ABCC2: variants seen among roughly 807,000 people sequenced by gnomAD.
The protein encoded by ABCC2 is ATP binding cassette subfamily C member 2.
In ABCC2, 157 loss-of-function variants were observed where a neutral mutation model predicts 173.4. The ratio of observed to expected loss-of-function variants is 0.91; its 90% CI spans 0.80 to 1.03. ABCC2 has a LOEUF of 1.03. Among genes scored for constraint, ABCC2 ranks in the 50% least tolerant of loss-of-function variants. ABCC2 has a pLI of 0.00. For synonymous variants in ABCC2, 657 were observed against 693.5 expected, an observed-to-expected ratio of 0.95 and a Z score of 0.83; for missense variants, 1,822 against 1,852.3, an observed-to-expected ratio of 0.98 and a Z score of 0.30.
intron 11 of ABCC2, 52 bp from the exon 12 acceptor site, chr10:99,807,332 G>A: frequency 1.2e-6 from 2 of 1,609,198 alleles, no homozygotes; most frequent in Non-Finnish European, 8.5e-7. Context: ...AGATACACCT[G>A]GTGCCCTTTC....
intron 24 of ABCC2, among the ~76,000 whole-genome samples, chr10:99,835,679 A>C (rs2038808868): frequency 6.6e-6 from 1 of 152,048 alleles, no homozygotes; most frequent in Non-Finnish European, 1.5e-5. Flanking sequence ...TTTCCTGCCC[A>C]TCCCCACTTT....
intron 16 of ABCC2, among the ~76,000 whole-genome samples, chr10:99,814,792 CACAT>C (rs2038372154): frequency 9.7e-6 from 1 of 103,260 alleles, no homozygotes; most frequent in Non-Finnish European, 1.9e-5. Flanking sequence ...TATACACACA[CACAT>C]ATGTGTGTGT....
intron 10 of ABCC2, 114 bp downstream of exon 10, chr10:99,804,387 T>TC: frequency 3.6e-6 from 5 of 1,374,054 alleles, no homozygotes; most frequent in Non-Finnish European, 5.1e-6. Context: ...GGTGGAAGAC[T>TC]TTCTACCATC....
intron 30 of ABCC2, among the ~76,000 whole-genome samples, chr10:99,848,242 A>G (rs1248194206): frequency 6.6e-6 from 1 of 152,244 alleles, no homozygotes. Context: ...CCTGAAATCA[A>G]CAAAAGACTC....
rs1317397952 is a variant in ABCC2 at position 99,814,281 on chromosome 10, GTA to G, written c.2094+1140_2094+1141del. Among the ~76,000 whole-genome samples the G allele has an allele frequency of 1.2e-3, 50 of 43,182 alleles. 1 individual carries two copies. The highest frequency in any genetic ancestry group is 4.7e-3 in the African/African-American group (43 of 9,076). The allele number at this position is 43,182 out of a possible 152,430, so 28.3% of individuals were successfully genotyped here. A position where few individuals can be genotyped will look rare whatever the true frequency, so the allele number is the denominator to read the frequency against. Reference sequence around the variant, plus strand: ...TACACACGTATGTATACACACGTATGTATACACACACGTATGTATACACACAT... The same window carrying G: ...TACACACGTATGTATACACACGTATGTACACACACGTATGTATACACACAT... On this transcript the variant is annotated intron_variant, in intron 16 of 31. Transcript: ENST00000647814.
At position 99,793,979 on chromosome 10, in the gene ABCC2, G is replaced by T. The variant is rs2037852944; in HGVS notation, c.556G>T (p.Glu186Ter). ...GATCCTGATCTTTTCAGCATTTTCA[G>T]AAAATAATGAGTCATCAAATGTGAG... is the stretch of plus-strand genomic sequence containing the variant. ...ILILIFSAFSENNESSNNPSS... is the reference protein window; with the variant it reads ...ILILIFSAFS Residue 186 changes from glutamate to a stop codon, truncating the protein, a stop_gained, in exon 5 of 32, where the codon GAA (glutamate) becomes TAA (stop). Coordinates refer to ENST00000647814, the MANE Select transcript of ABCC2 (RefSeq NM_000392.5). LOFTEE classifies it high-confidence loss of function. The T allele has an allele frequency of 6.2e-7, 1 of 1,609,732 alleles. No homozygotes were observed. The highest frequency in any genetic ancestry group is 1.3e-5 in the African/African-American group (1 of 74,760).
intron 16 of ABCC2, among the ~76,000 whole-genome samples, chr10:99,814,222 TACACAC>T: frequency 1.9e-5 from 1 of 53,964 alleles, no homozygotes; most frequent in African/African-American, 7.8e-5. Context: ...TGTGTATATA[TACACAC>T]ATGTGTATAT....
intron 7 of ABCC2, chr10:99,797,598 T>C: frequency 2.3e-6 from 1 of 430,690 alleles, no homozygotes. Context: ...CATTTCTAGA[T>C]TTTGCACCTT....
At chr10:99,843,445 G>A (rs993990478) in intron 26 of ABCC2, among the ~76,000 whole-genome samples, 3 of 152,204 alleles carry the variant, frequency 2.0e-5, no homozygotes, top group Admixed American at 6.5e-5. Context: ...TCCCTGGCCT[G>A]GATCATGCCT....
chr10:99,817,048 A>G (rs1406567381), intron 16 of ABCC2, among the ~76,000 whole-genome samples: 1 of 152,196 alleles, frequency 6.6e-6, no homozygotes, highest in East Asian at 1.9e-4. Context: ...ACACACATTT[A>G]TCATCTAATT....
intron 2 of ABCC2, among the ~76,000 whole-genome samples, chr10:99,785,721 T>C (rs1226451958): frequency 6.6e-6 from 1 of 152,142 alleles, no homozygotes; most frequent in Non-Finnish European, 1.5e-5. Flanking sequence ...TTTCGCCATG[T>C]TGGCCAGACT....
At chr10:99,796,540 C>T (rs747749675) in intron 6 of ABCC2, among the ~76,000 whole-genome samples, 1 of 151,876 alleles carries the variant, frequency 6.6e-6, no homozygotes, top group Non-Finnish European at 1.5e-5. Flanking sequence ...AACAAGAAGC[C>T]GTGTGCAGTG....
Position 99,842,049 on chromosome 10 carries a change from C to T in ABCC2, c.3697C>T (p.Leu1233=). ...GATGATGGTTATTTATAGAGATACC[C>T]TAAGTGGGGACACTGTTGGCTTTGT... is the stretch of plus-strand genomic sequence containing the variant. ...ALMMVIYRDT[L]SGDTVGFVLS... is the part of the protein sequence containing the mutation. Residue 1233 remains leucine (L), a synonymous_variant, in exon 26 of 32, where the codon CTA becomes TTA. Coordinates refer to ENST00000647814, the MANE Select transcript of ABCC2 (RefSeq NM_000392.5). 1 of 1,614,164 alleles carries T rather than the reference C, an allele frequency of 6.2e-7. No individual in the cohort carries two copies. Among genetic ancestry groups the T allele is most frequent in the Non-Finnish European group, 8.5e-7 (1 of 1,180,022 alleles).
intron 7 of ABCC2, among the ~76,000 whole-genome samples, chr10:99,798,412 T>A (rs2037958414): frequency 6.6e-6 from 1 of 152,108 alleles, no homozygotes. Flanking sequence ...TAATGCCCCA[T>A]GTATTAGTTT....
At chr10:99,827,389 A>G (rs977880110) in intron 19 of ABCC2, among the ~76,000 whole-genome samples, 1 of 152,172 alleles carries the variant, frequency 6.6e-6, no homozygotes. Context: ...TTTTGCGTTG[A>G]CTGAGCCATT....
intron 15 of ABCC2, among the ~76,000 whole-genome samples, chr10:99,812,757 A>C (rs548111845): frequency 2.3e-4 from 35 of 152,346 alleles, no homozygotes; most frequent in African/African-American, 8.4e-4. Flanking sequence ...TTGGAAATGC[A>C]CATTTGTCAC....
chr10:99,830,634 G>A, intron 20 of ABCC2, 82 bp from the exon 21 acceptor site: 1 of 1,606,264 alleles, frequency 6.2e-7, no homozygotes, highest in South Asian at 1.1e-5. Flanking sequence ...GCGCTTTGAT[G>A]CCAGCTGAGT....
At chr10:99,812,439 T>C (rs1270098212) in intron 15 of ABCC2, among the ~76,000 whole-genome samples, 1 of 152,238 alleles carries the variant, frequency 6.6e-6, no homozygotes. Context: ...GCACACACAG[T>C]TTCCGGGAAC....
intron 6 of ABCC2, among the ~76,000 whole-genome samples, chr10:99,796,381 G>A (rs1242005544): frequency 6.6e-6 from 1 of 152,168 alleles, no homozygotes; most frequent in Non-Finnish European, 1.5e-5. Context: ...GTGTGTGCCT[G>A]TAATTCCAGC....
Sources: allele counts gnomAD v4.1 joint callset (sites outside exome capture counted in the v4.1 genomes callset), GRCh38; gene constraint gnomAD v4.1.1; transcripts MANE v1.5; gene names NCBI Gene and HGNC (gene_info 2026-07-23, HGNC 2026-07-21).